FBXW11: variants seen among roughly 807,000 people sequenced by gnomAD.
FBXW11 encodes the protein F-box/WD repeat-containing protein 11.
FBXW11 carries 19 observed loss-of-function variants against 77.6 expected under a neutral mutation model. That is an observed-to-expected ratio of 0.24 (90% CI 0.17 to 0.36). The LOEUF (loss-of-function observed/expected upper bound fraction) is 0.36, where lower values mean the gene tolerates loss of function less well. Among genes scored for constraint, FBXW11 ranks in the 10% least tolerant of loss-of-function variants. FBXW11 has a pLI of 1.00. For synonymous variants in FBXW11, 235 were observed against 249.4 expected (o/e 0.94, Z 0.54); for missense variants, 334 against 704.2 (o/e 0.47, Z 5.95).
At chr5:171,959,848 A>G (rs1763805872) in intron 1 of FBXW11, among the ~76,000 whole-genome samples, 2 of 122,954 alleles carry the variant, frequency 1.6e-5, no homozygotes, top group Non-Finnish European at 3.1e-5. Context: ...AGACTGCCTC[A>G]AAAAAAAAAA....
chr5:171,901,542 C>T (rs565391970), intron 4 of FBXW11, among the ~76,000 whole-genome samples: 50 of 152,286 alleles, frequency 3.3e-4, no homozygotes, highest in Admixed American at 9.8e-4. Flanking sequence ...AGATCAAAGA[C>T]CCAAGCTATG....
intron 1 of FBXW11, chr5:171,977,499 G>A (rs1764904276): frequency 2.6e-6 from 1 of 388,184 alleles, no homozygotes; most frequent in Admixed American, 2.9e-5. Context: ...CCCCCATGGA[G>A]ATTACTTTCT....
chr5:171,937,739 G>C (rs1004565263), intron 2 of FBXW11, among the ~76,000 whole-genome samples: 1 of 150,216 alleles, frequency 6.7e-6, no homozygotes, highest in East Asian at 2.0e-4. Flanking sequence ...GAGGTAAGAG[G>C]ATCACTTGAA....
At chr5:171,875,407 A>C (rs1265040769) in intron 9 of FBXW11, among the ~76,000 whole-genome samples, 1 of 152,228 alleles carries the variant, frequency 6.6e-6, no homozygotes, top group East Asian at 1.9e-4. Flanking sequence ...GAATAGTCCA[A>C]TCCCAAGACA....
At chr5:171,903,604 G>A (rs879144454) in intron 4 of FBXW11, among the ~76,000 whole-genome samples, 1 of 151,978 alleles carries the variant, frequency 6.6e-6, no homozygotes, top group Non-Finnish European at 1.5e-5. Context: ...TCTTTCTAAC[G>A]CTGGGGTACT....
chr5:171,894,399 C>G (rs1255832876), intron 6 of FBXW11, among the ~76,000 whole-genome samples: 1 of 152,354 alleles, frequency 6.6e-6, no homozygotes, highest in Middle Eastern at 3.4e-3. Context: ...AGTTTGTCAA[C>G]CAATTCTTGA....
intron 2 of FBXW11, among the ~76,000 whole-genome samples, chr5:171,936,333 A>T (rs995629335): frequency 6.6e-6 from 1 of 151,780 alleles, no homozygotes; most frequent in African/African-American, 2.4e-5. Context: ...TCTTAAAAAA[A>T]TTTAAAAATT....
intron 1 of FBXW11, among the ~76,000 whole-genome samples, chr5:171,998,654 G>A (rs771738678): frequency 4.0e-5 from 6 of 151,374 alleles, no homozygotes; most frequent in Non-Finnish European, 7.4e-5. Flanking sequence ...AAAATTAACC[G>A]GGCCTGGTGG....
intron 2 of FBXW11, among the ~76,000 whole-genome samples, chr5:171,955,195 C>T (rs1763546150): frequency 6.6e-6 from 1 of 152,242 alleles, no homozygotes; most frequent in South Asian, 2.1e-4. Flanking sequence ...CAACTACTAT[C>T]TTCCCTCCGG....
chr5:171,973,720 A>G (rs2113441112), intron 1 of FBXW11, among the ~76,000 whole-genome samples: 1 of 152,356 alleles, frequency 6.6e-6, no homozygotes, highest in African/African-American at 2.4e-5. Context: ...AATGTATCAC[A>G]CTAACATAAA....
Position 171,910,569 on chromosome 5 carries a change from T to C in FBXW11, c.436+3A>G, listed in dbSNP as rs755149057. On this transcript the variant is annotated splice_donor_region_variant and intron_variant, in intron 4 of 13. Coordinates refer to ENST00000517395, the MANE Select transcript of FBXW11 (RefSeq NM_001378974.1). ...CAGCTTTTGAAAAGACAAGTACAGT[T>C]ACCTGGTAAAGCGGTAATAAAGTCC... The C allele has an allele frequency of 1.2e-6, 2 of 1,610,156 alleles. No individual in the cohort carries two copies. Among genetic ancestry groups the C allele is most frequent in the Non-Finnish European group, 1.7e-6 (2 of 1,177,492 alleles).
intron 2 of FBXW11, among the ~76,000 whole-genome samples, chr5:171,940,836 G>A (rs988893219): frequency 6.7e-6 from 1 of 150,344 alleles, no homozygotes; most frequent in Non-Finnish European, 1.5e-5. Context: ...GCAGTGAGCC[G>A]AGATTGCACC....
At chr5:171,913,828 C>CACACACACAT (rs1370055628) in intron 3 of FBXW11, among the ~76,000 whole-genome samples, 6,727 of 117,874 alleles carry the variant, frequency 0.057, 296 homozygotes, top group Admixed American at 0.071. Flanking sequence ...TACACACACA[C>CACACACACAT]ACACACACAC....
At chr5:171,964,903 C>A in intron 1 of FBXW11, among the ~76,000 whole-genome samples, 1 of 151,984 alleles carries the variant, frequency 6.6e-6, no homozygotes, top group Admixed American at 6.6e-5. Context: ...GACATGTAAC[C>A]AAAAAGTTTA....
chr5:171,913,098 C>A (rs557066430), intron 3 of FBXW11, among the ~76,000 whole-genome samples: 1 of 152,102 alleles, frequency 6.6e-6, no homozygotes, highest in Non-Finnish European at 1.5e-5. Context: ...AGAAAAAAAA[C>A]TATGTATGCT....
At chr5:171,937,117 G>A (rs893199151) in intron 2 of FBXW11, among the ~76,000 whole-genome samples, 5 of 152,070 alleles carry the variant, frequency 3.3e-5, no homozygotes, top group East Asian at 1.9e-4. Flanking sequence ...CTCAACATTC[G>A]AAAGATGACA....
Position 172,000,356 on chromosome 5 carries a change from A to C in FBXW11, c.45+6102T>G, listed in dbSNP as rs1290594410. Among the ~76,000 whole-genome samples, 3 of 152,354 alleles carry C rather than the reference A, an allele frequency of 2.0e-5. No homozygotes were observed. The South Asian group carries it at 6.2e-4, about 32-fold the overall frequency. On this transcript the variant is annotated intron_variant, in intron 1 of 13. Transcript: ENST00000517395. ...ATCACCAGTCTCTTTCTGTCAGGAT[A>C]CCAGGCATAAAAATAGGACTGGGTG...
At chr5:171,928,697 A>G (rs1430347428) in intron 2 of FBXW11, among the ~76,000 whole-genome samples, 1 of 152,264 alleles carries the variant, frequency 6.6e-6, no homozygotes, top group Non-Finnish European at 1.5e-5. Flanking sequence ...CATCATACTT[A>G]ATGTTTAAAG....
Position 171,904,506 on chromosome 5 carries a change from T to A in FBXW11, c.437-4406A>T, listed in dbSNP as rs1352597156. Among the ~76,000 whole-genome samples the A allele has an allele frequency of 6.6e-6, 1 of 152,014 alleles. No homozygotes were observed. The highest frequency in any genetic ancestry group is 1.5e-5 in the Non-Finnish European group (1 of 67,992). Reference sequence around the variant, plus strand: ...GCAAAAAGAAAAGATCCCCCCAATCTTCTCCTGACCTACAAAATCAGAATC... The same window carrying A: ...GCAAAAAGAAAAGATCCCCCCAATCATCTCCTGACCTACAAAATCAGAATC... On this transcript the variant is annotated intron_variant, in intron 4 of 13. Transcript: ENST00000517395. The surrounding 1 kb of genome is among the most constrained non-coding windows in gnomAD (Gnocchi z 4.0).
Sources: allele counts gnomAD v4.1 joint callset (sites outside exome capture counted in the v4.1 genomes callset), GRCh38; gene constraint gnomAD v4.1.1; non-coding constraint Gnocchi (gnomAD v3.1); transcripts MANE v1.5; gene names NCBI Gene and HGNC (gene_info 2026-07-23, HGNC 2026-07-21).